The following SLAMF9 variants were observed in gnomAD, a reference collection of about 807,000 sequenced individuals.
SLAMF9 encodes the protein CD2 family member 10.
Under a neutral mutation model 30.4 loss-of-function variants are expected in SLAMF9, and 25 were observed. That is an observed-to-expected ratio of 0.82 (90% confidence interval 0.60 to 1.15). The LOEUF (loss-of-function observed/expected upper bound fraction) is 1.15. Ranked by LOEUF, SLAMF9 falls within the 50% of genes most tolerant of loss-of-function variation. The pLI, the probability that SLAMF9 is intolerant of heterozygous loss-of-function variation, is 0.00. For synonymous variants in SLAMF9, 129 were observed against 127.2 expected (o/e 1.01, Z -0.09); for missense variants, 344 against 346.1 (o/e 0.99, Z 0.05).
chr1:159,978,465 GT>G, the SLAMF9 span: 1 of 152,224 alleles, frequency 6.6e-6, no homozygotes, highest in Non-Finnish European at 1.5e-5. Context: ...AGACACCTGG[GT>G]CACAGATGCT....
the SLAMF9 span, among the ~76,000 whole-genome samples, chr1:159,973,636 G>A: frequency 6.6e-6 from 1 of 152,306 alleles, no homozygotes; most frequent in South Asian, 2.1e-4. Flanking sequence ...GGGGAGATGG[G>A]GGTATTGAGA....
the SLAMF9 span, chr1:159,976,913 A>AAAG: frequency 1.0e-2 from 5 of 502 alleles, no homozygotes; most frequent in Non-Finnish European, 0.11. Flanking sequence ...GGAAAGAAAA[A>AAAG]AAGAAAGAAA....
chr1:159,956,074 A>C (rs1651916772), upstream of SLAMF9, among the ~76,000 whole-genome samples: 1 of 152,228 alleles, frequency 6.6e-6, no homozygotes, highest in South Asian at 2.1e-4. Context: ...AGCACTATTC[A>C]CTAGAGCCAA....
the SLAMF9 span, among the ~76,000 whole-genome samples, chr1:159,972,009 T>C: frequency 6.6e-6 from 1 of 152,032 alleles, no homozygotes; most frequent in African/African-American, 2.4e-5. Context: ...TACAGACCCA[T>C]GTCAATGGCT....
upstream of SLAMF9, among the ~76,000 whole-genome samples, chr1:159,955,652 A>T (rs1301833319): frequency 6.6e-6 from 1 of 152,242 alleles, no homozygotes; most frequent in Non-Finnish European, 1.5e-5. Context: ...TCATAATGCT[A>T]ACAATTGACA....
At chr1:159,952,144 T>G in intron 3 of SLAMF9, 118 bp downstream of exon 3, 22 of 1,190,440 alleles carry the variant, frequency 1.8e-5, no homozygotes, top group South Asian at 2.9e-5. Context: ...CAAGCCTCCA[T>G]GGGAGGGGGT....
At chr1:159,958,214 C>T (rs550412331), upstream of SLAMF9, among the ~76,000 whole-genome samples, 1 of 152,332 alleles carries the variant, frequency 6.6e-6, no homozygotes, top group East Asian at 1.9e-4. Context: ...CGGTTAACTG[C>T]ACTTCTTGCA....
At position 159,952,171 on chromosome 1, in the gene SLAMF9, T is replaced by A. The variant is rs533391950; in HGVS notation, c.664+91A>T. 4.1e-6 allele frequency: 6 copies of A among 1,468,824 alleles called. No individual in the cohort carries two copies. The East Asian group carries it at 9.1e-5, about 22-fold the overall frequency. 91.0% of individuals were successfully genotyped at this position (1,468,824 alleles called of 1,614,324 possible). A position where few individuals can be genotyped will look rare whatever the true frequency, so the allele number is the denominator to read the frequency against. The stretch of plus-strand genomic sequence containing the variant: ...GGAGGGGGTTAGCTTCTGAATTCCC[T>A]GGGCTCTCTTGGGAAGAGCTGGGGG... On this transcript the variant is annotated intron_variant, in intron 3 of 3. Coordinates refer to ENST00000368093, the MANE Select transcript of SLAMF9 (RefSeq NM_033438.4).
the SLAMF9 span, among the ~76,000 whole-genome samples, chr1:159,967,874 T>G: frequency 6.6e-6 from 1 of 152,308 alleles, no homozygotes; most frequent in Admixed American, 6.5e-5. Flanking sequence ...CTATTGTAAA[T>G]GGGATCGTTC....
chr1:159,975,468 A>T, the SLAMF9 span, among the ~76,000 whole-genome samples: 1 of 152,170 alleles, frequency 6.6e-6, no homozygotes, highest in East Asian at 1.9e-4. Flanking sequence ...GGAGTGTGGC[A>T]TGGCTGGAGA....
the SLAMF9 span, among the ~76,000 whole-genome samples, chr1:159,979,234 G>A: frequency 6.6e-6 from 1 of 152,198 alleles, no homozygotes; most frequent in Admixed American, 6.5e-5. Context: ...TACGGTTTGA[G>A]TTGTTTTGGG....
chr1:159,954,212 G>T lies in SLAMF9; in HGVS notation c.-75C>A. On this transcript the variant is annotated 5_prime_UTR_variant, in exon 1 of 4. Coordinates refer to ENST00000368093, the MANE Select transcript of SLAMF9 (RefSeq NM_033438.4). ...GACTGTGCAGAAGACTGCATTAGGA[G>T]GCTCCTAGACACAAAGAGCCTGACT... is the stretch of plus-strand genomic sequence containing the variant. 1 of 1,563,254 alleles carries T rather than the reference G, an allele frequency of 6.4e-7. No homozygotes were observed. The highest frequency in any genetic ancestry group is 1.1e-5 in the South Asian group (1 of 88,562).
chr1:159,970,843 A>T, the SLAMF9 span, among the ~76,000 whole-genome samples: 1 of 152,246 alleles, frequency 6.6e-6, no homozygotes, highest in East Asian at 1.9e-4. Flanking sequence ...CACAGAATAC[A>T]ATGAAAGCTG....
Position 159,954,161 on chromosome 1 carries a change from G to T in SLAMF9, c.-24C>A, listed in dbSNP as rs1307624711. 2 of 1,613,854 alleles carry T rather than the reference G, an allele frequency of 1.2e-6. No individual in the cohort carries two copies. Among genetic ancestry groups the T allele is most frequent in the Non-Finnish European group, 1.7e-6 (2 of 1,179,882 alleles). ...ATGTCAGCAGCCCCCAGCCCCAGAG[G>T]TGTGATTCAGTCAGTCAGTCCCCAG... On this transcript the variant is annotated 5_prime_UTR_variant, in exon 1 of 4. Coordinates refer to ENST00000368093, the MANE Select transcript of SLAMF9 (RefSeq NM_033438.4).
rs1201225414 is a variant in SLAMF9, at chr1:159,953,467, G to A, written c.233C>T (p.Thr78Ile). Residue 78 changes from threonine (T) to isoleucine (I), a missense_variant, in exon 2 of 4, where the codon ACC (threonine) becomes ATC (isoleucine). Thr to Ile is a moderately conservative substitution (Grantham distance 89). Transcript: ENST00000368093. ...KEGHPATIMV[T>I]NPHYQGQVSF... Reference sequence around the variant, plus strand: ...CACTTGGCCCTGGTAGTGTGGATTGGTCACCATGATGGTAGCTGGATGTCC... The same window carrying A: ...CACTTGGCCCTGGTAGTGTGGATTGATCACCATGATGGTAGCTGGATGTCC... 2 of 1,614,176 alleles carry A rather than the reference G, an allele frequency of 1.2e-6. No homozygotes were observed. The highest frequency in any genetic ancestry group is 1.1e-5 in the South Asian group (1 of 91,082).
the SLAMF9 span, chr1:159,976,924 G>GAAAA: frequency 3.1e-3 from 2 of 638 alleles, no homozygotes; most frequent in Non-Finnish European, 0.05. Flanking sequence ...AAGAAAGAAA[G>GAAAA]AAAGAAAGAA....
chr1:159,953,608 A>G lies in SLAMF9; in HGVS notation c.92T>C (p.Val31Ala). The G allele has an allele frequency of 6.2e-7, 1 of 1,611,934 alleles. No individual in the cohort carries two copies. Among genetic ancestry groups the G allele is most frequent in the Non-Finnish European group, 8.5e-7 (1 of 1,178,666 alleles). Residue 31 changes from valine to alanine, a missense_variant, in exon 2 of 4, where the codon GTT (valine) becomes GCT (alanine). Physicochemically the swap from Val to Ala is moderately conservative, Grantham distance 64. Coordinates refer to ENST00000368093, the MANE Select transcript of SLAMF9 (RefSeq NM_033438.4). ...GCTGATGGACTCCTGAAGGACCGCA[A>G]CCACTTCCTCGGATCCACACCATCT... ...LWRWCGSEEV[V>A]AVLQESISLP...
the SLAMF9 span, chr1:159,973,161 A>G: frequency 6.5e-7 from 1 of 1,532,030 alleles, no homozygotes; most frequent in Non-Finnish European, 9.0e-7. Context: ...GTGGAAGGAG[A>G]AAAGGAGCCT....
At chr1:159,968,990 T>C in the SLAMF9 span, among the ~76,000 whole-genome samples, 1 of 151,884 alleles carries the variant, frequency 6.6e-6, no homozygotes, top group Admixed American at 6.6e-5. Flanking sequence ...TGCAGTGAGC[T>C]GAGATTGTGC....
Sources: gnomAD v4.1 joint callset for allele counts (sites outside exome capture counted in the v4.1 genomes callset) on GRCh38, gnomAD v4.1.1 for gene constraint, MANE v1.5 for transcripts, NCBI Gene and HGNC (gene_info 2026-07-23, HGNC 2026-07-21) for gene names.